The following CNTNAP3B variants were observed in gnomAD, a reference collection of about 807,000 sequenced individuals.
CNTNAP3B encodes the protein contactin associated protein family member 3B.
In CNTNAP3B, 25 loss-of-function variants were observed where a neutral mutation model predicts 108.9. That is an observed-to-expected ratio of 0.23 (90% confidence interval 0.17 to 0.32). The LOEUF (loss-of-function observed/expected upper bound fraction) is 0.32, where lower values mean the gene tolerates loss of function less well. Ranked by LOEUF, CNTNAP3B falls within the 10% of genes least tolerant of loss-of-function variation. CNTNAP3B has a pLI of 1.00. For missense variants in CNTNAP3B, 252 were observed against 1,210.4 expected (o/e 0.21, Z 11.75); for synonymous variants, 103 against 473.4 (o/e 0.22, Z 10.16).
At chr9:41,930,738 T>C in intron 14 of CNTNAP3B, among the ~76,000 whole-genome samples, 1 of 152,290 alleles carries the variant, frequency 6.6e-6, no homozygotes, top group Non-Finnish European at 1.5e-5. Flanking sequence ...CTGTGTCCAA[T>C]ACAAAGAGAC....
At chr9:41,935,976 G>T (rs1824144649) in intron 14 of CNTNAP3B, among the ~76,000 whole-genome samples, 1 of 152,380 alleles carries the variant, frequency 6.6e-6, no homozygotes, top group South Asian at 2.1e-4. Flanking sequence ...CAATACAGGT[G>T]GCTCCAAGTG....
chr9:41,990,634 T>TTCG (rs2118346272), intron 8 of CNTNAP3B, among the ~76,000 whole-genome samples: 1 of 134,254 alleles, frequency 7.4e-6, no homozygotes, highest in South Asian at 2.5e-4. Flanking sequence ...AGTCAGCCTC[T>TTCG]TCGTCTGTGC....
intron 10 of CNTNAP3B, among the ~76,000 whole-genome samples, chr9:41,969,536 T>C (rs1295277372): frequency 7.3e-5 from 11 of 150,178 alleles, no homozygotes; most frequent in African/African-American, 2.7e-4. Context: ...CTCGGGATCA[T>C]ATTAAGGTAA....
chr9:41,967,033 A>T lies in CNTNAP3B; in HGVS notation c.1650-2389T>A, dbSNP rs535205651. The stretch of plus-strand genomic sequence containing the variant: ...CATTATTTGTGACTCTGTCATCCAA[A>T]GTGCCCATTGCTATTTTTTGCGTAG... On this transcript the variant is annotated intron_variant, in intron 10 of 23. Coordinates refer to ENST00000377561, the MANE Select transcript of CNTNAP3B (RefSeq NM_001201380.3). Among the ~76,000 whole-genome samples the T allele has an allele frequency of 2.7e-5, 4 of 150,160 alleles. No individual in the cohort carries two copies. In the East Asian group the frequency reaches 5.8e-4, roughly 22 times the overall value.
intron 11 of CNTNAP3B, among the ~76,000 whole-genome samples, chr9:41,961,689 T>C (rs1266632295): frequency 1.3e-5 from 2 of 152,290 alleles, no homozygotes; most frequent in African/African-American, 2.4e-5. Context: ...TAATTAAAGC[T>C]GATTTAAAAA....
chr9:41,963,385 G>A (rs1340362860), intron 11 of CNTNAP3B, among the ~76,000 whole-genome samples: 2 of 151,176 alleles, frequency 1.3e-5, no homozygotes, highest in African/African-American at 4.9e-5. Context: ...AAAACAAATA[G>A]GAAAAAAAAG....
At position 42,115,127 on chromosome 9, in the gene CNTNAP3B, C is replaced by T. The variant is rs1169839654; in HGVS notation, c.86-10388G>A. ...CAATATAAAGCAAAGTGAGTTAAAG[C>T]CCAGAACACATTAAGACTTTCAAAC... On this transcript the variant is annotated intron_variant, in intron 1 of 23. Transcript: ENST00000377561. Among the ~76,000 whole-genome samples, 5 of 137,926 alleles carry T rather than the reference C, an allele frequency of 3.6e-5. 1 individual carries two copies. The highest frequency in any genetic ancestry group is 5.8e-5 in the African/African-American group (2 of 34,628). 90.5% of individuals were successfully genotyped at this position (137,926 alleles called of 152,430 possible). A position where few individuals can be genotyped will look rare whatever the true frequency, so the allele number is the denominator to read the frequency against.
At chr9:41,940,707 C>A (rs1292956668) in intron 13 of CNTNAP3B, among the ~76,000 whole-genome samples, 3 of 152,214 alleles carry the variant, frequency 2.0e-5, no homozygotes, top group African/African-American at 7.2e-5. Context: ...CCCAGCTACT[C>A]AGGAGGCTGA....
At chr9:41,969,597 T>G (rs1180397586) in intron 10 of CNTNAP3B, among the ~76,000 whole-genome samples, 4 of 152,072 alleles carry the variant, frequency 2.6e-5, no homozygotes, top group Admixed American at 6.6e-5. Flanking sequence ...TAAAAAATGC[T>G]ATTTATTCCA....
chr9:42,001,392 C>T (rs1826002549), intron 4 of CNTNAP3B, among the ~76,000 whole-genome samples: 1 of 132,238 alleles, frequency 7.6e-6, no homozygotes, highest in Non-Finnish European at 1.6e-5. Flanking sequence ...CCAGCCTGGG[C>T]AACACAGCAA....
chr9:41,928,358 G>A (rs1309427902), intron 15 of CNTNAP3B, among the ~76,000 whole-genome samples: 1 of 152,084 alleles, frequency 6.6e-6, no homozygotes, highest in Non-Finnish European at 1.5e-5. Flanking sequence ...ACAGTGGGTA[G>A]GTTTGCATCT....
chr9:42,075,171 G>T (rs1359498873), intron 3 of CNTNAP3B, among the ~76,000 whole-genome samples: 1 of 144,914 alleles, frequency 6.9e-6, no homozygotes, highest in Non-Finnish European at 1.5e-5. Context: ...TGGGTCCAAA[G>T]GTCCTTCTTG....
At chr9:42,001,667 C>A (rs1722090111) in intron 4 of CNTNAP3B, among the ~76,000 whole-genome samples, 1 of 101,608 alleles carries the variant, frequency 9.8e-6, no homozygotes, top group Admixed American at 9.9e-5. Flanking sequence ...AGAATAAAAG[C>A]CTTGCTATCC....
chr9:42,117,703 C>T (rs1486242035), intron 1 of CNTNAP3B, among the ~76,000 whole-genome samples: 7 of 134,436 alleles, frequency 5.2e-5, no homozygotes, highest in African/African-American at 1.8e-4. Flanking sequence ...AATAGAGACA[C>T]AAAAAAACCC....
In CNTNAP3B at chr9:41,996,342, A is replaced by G; in HGVS notation, c.934T>C (p.Phe312Leu). The part of the protein sequence containing the change: ...SNLDLNFEIS[F>L]GGILSPGRSR... ...CTTCCGGGTGACAGAATTCCCCCAA[A>G]GCTGATCTTAGAAAGAAAAATGACA... is the stretch of plus-strand genomic sequence containing the variant. The change falls in exon 7 of 24, where the codon TTT (phenylalanine) becomes CTT (leucine). Residue 312 changes from phenylalanine (F) to leucine (L), a missense_variant. Phe to Leu is a conservative substitution (Grantham distance 22). Coordinates refer to ENST00000377561, the MANE Select transcript of CNTNAP3B (RefSeq NM_001201380.3). The G allele has an allele frequency of 6.5e-7, 1 of 1,532,382 alleles. No homozygotes were observed. The highest frequency in any genetic ancestry group is 8.8e-7 in the Non-Finnish European group (1 of 1,135,246). The allele number at this position is 1,532,382 out of a possible 1,614,324, so 94.9% of individuals were successfully genotyped here.
At chr9:41,942,504 G>A (rs1297801930) in intron 13 of CNTNAP3B, among the ~76,000 whole-genome samples, 4 of 151,388 alleles carry the variant, frequency 2.6e-5, no homozygotes, top group Non-Finnish European at 5.9e-5. Flanking sequence ...CCAGCTACTG[G>A]GGAGGCTGAG....
intron 7 of CNTNAP3B, among the ~76,000 whole-genome samples, chr9:41,995,702 G>A (rs1825883727): frequency 8.4e-6 from 1 of 119,104 alleles, no homozygotes; most frequent in Non-Finnish European, 1.7e-5. Context: ...CTGCACTCCA[G>A]TCTGGGTGAC....
At chr9:41,916,978 CTT>C (rs1823533882) in intron 18 of CNTNAP3B, among the ~76,000 whole-genome samples, 1 of 150,504 alleles carries the variant, frequency 6.6e-6, no homozygotes. Flanking sequence ...TCCTTCTTGA[CTT>C]TGGCTTTCAA....
At chr9:42,098,117 G>A (rs1236635004) in intron 2 of CNTNAP3B, among the ~76,000 whole-genome samples, 2 of 139,540 alleles carry the variant, frequency 1.4e-5, no homozygotes, top group East Asian at 2.2e-4. Context: ...TCTTCATGGA[G>A]TAAGGTGCTA....
Sources: gnomAD v4.1 joint callset for allele counts (sites outside exome capture counted in the v4.1 genomes callset) on GRCh38, gnomAD v4.1.1 for gene constraint, MANE v1.5 for transcripts, NCBI Gene and HGNC (gene_info 2026-07-23, HGNC 2026-07-21) for gene names.